Variants in CCDC180 observed in about 807,000 individuals in gnomAD.
CCDC180 encodes the protein coiled-coil domain-containing protein 180.
CCDC180 carries 154 observed loss-of-function variants against 209.2 expected under a neutral mutation model. That is an observed-to-expected ratio of 0.74 (90% CI 0.65 to 0.84). The LOEUF (loss-of-function observed/expected upper bound fraction) is 0.84. Ranked by LOEUF, CCDC180 falls within the 40% of genes least tolerant of loss-of-function variation. CCDC180 has a pLI of 0.00. For synonymous variants in CCDC180, 778 were observed against 749.1 expected (o/e 1.04, Z -0.63); for missense variants, 1,874 against 1,997.3 (o/e 0.94, Z 1.18).
At chr9:97,358,488 T>C (rs891461226) in intron 25 of CCDC180, among the ~76,000 whole-genome samples, 6 of 152,134 alleles carry the variant, frequency 3.9e-5, no homozygotes, top group African/African-American at 1.4e-4. Flanking sequence ...AAAGTCAGAA[T>C]TGGAACAGTT....
In CCDC180 at chr9:97,375,451, T is replaced by G. The variant is rs199634341; in HGVS notation, c.4707-3T>G. 46 of 1,614,194 alleles carry G rather than the reference T, an allele frequency of 2.8e-5. No homozygotes were observed. The highest frequency in any genetic ancestry group is 2.8e-4 in the African/African-American group (21 of 75,056). On this transcript the variant is annotated splice_region_variant and splice_polypyrimidine_tract_variant and intron_variant, in intron 35 of 36. Coordinates refer to ENST00000529487, the MANE Select transcript of CCDC180 (RefSeq NM_020893.6). Reference sequence around the variant, plus strand: ...TGAGATTTTCACACATGTTTGTTTGTAGGAAGTGGCCAGGGATCAAACCCA... The same window carrying G: ...TGAGATTTTCACACATGTTTGTTTGGAGGAAGTGGCCAGGGATCAAACCCA...
chr9:97,337,434 T>A (rs1825942479), intron 18 of CCDC180, among the ~76,000 whole-genome samples: 2 of 152,206 alleles, frequency 1.3e-5, no homozygotes, highest in African/African-American at 4.8e-5. Context: ...GTGGGTTTTG[T>A]CTTTGGTTCT....
intron 13 of CCDC180, 25 bp from the exon 14 acceptor site, chr9:97,324,994 C>T: frequency 6.2e-7 from 1 of 1,606,260 alleles, no homozygotes; most frequent in Non-Finnish European, 8.5e-7. Flanking sequence ...CCCTTAAGTC[C>T]CTTCTCTGGG....
intron 7 of CCDC180, 24 bp downstream of exon 7, chr9:97,314,752 T>G: frequency 6.2e-7 from 1 of 1,608,342 alleles, no homozygotes; most frequent in East Asian, 2.2e-5. Flanking sequence ...AGGTGGGCTG[T>G]GTGGTGACTG....
chr9:97,308,245 A>C, intron 2 of CCDC180, 113 bp downstream of exon 2: 1 of 922,322 alleles, frequency 1.1e-6, no homozygotes, highest in Non-Finnish European at 1.5e-6. Context: ...AAGGGCTTTG[A>C]AATTACTTTG....
chr9:97,341,875 A>G (rs10981700), intron 18 of CCDC180, among the ~76,000 whole-genome samples: 8,881 of 152,216 alleles, frequency 0.058, 364 homozygotes, highest in Non-Finnish European at 0.09. Context: ...TACCTACTCA[A>G]TCCTCAACAA....
rs959073896 is a variant in CCDC180, at chr9:97,349,218, G to A, written c.2782G>A (p.Val928Met). ...CTGCCAGTTCCAAGAAGAGCAAAAC[G>A]TGAGGAGCAAAAACTTCCGCCTTAA... ...MFCQFQEEQN[V>M]RSKNFRLKIY... The change falls in exon 21 of 37, where the codon GTG becomes ATG. Residue 928 changes from valine (V) to methionine (M), a missense_variant. Coordinates refer to ENST00000529487, the MANE Select transcript of CCDC180 (RefSeq NM_020893.6). 17 of 1,536,504 alleles carry A rather than the reference G, an allele frequency of 1.1e-5. No individual in the cohort carries two copies. The highest frequency in any genetic ancestry group is 3.6e-5 in the South Asian group (3 of 84,046).
At chr9:97,309,865 C>T (rs1267555861) in intron 3 of CCDC180, among the ~76,000 whole-genome samples, 1 of 152,078 alleles carries the variant, frequency 6.6e-6, no homozygotes, top group East Asian at 1.9e-4. Context: ...CTTGAGACCT[C>T]GAAAGTAAAT....
chr9:97,343,693 A>G (rs1826161373), intron 19 of CCDC180, 130 bp downstream of exon 19: 1 of 704,734 alleles, frequency 1.4e-6, no homozygotes, highest in East Asian at 2.7e-5. Flanking sequence ...AACTGAAGGA[A>G]GGTAGGGGTG....
chr9:97,343,713 A>G (rs551781240), intron 19 of CCDC180, 150 bp downstream of exon 19: 9 of 650,718 alleles, frequency 1.4e-5, no homozygotes, highest in East Asian at 5.5e-5. Context: ...GAGAAACACA[A>G]TAAAAAATGG....
chr9:97,364,470 CA>C (rs1471069910), intron 29 of CCDC180: 2 of 276,810 alleles, frequency 7.2e-6, no homozygotes, highest in Admixed American at 1.2e-4. Context: ...GTGATTAAAA[CA>C]AAAGCTGTTC....
At position 97,317,238 on chromosome 9, in the gene CCDC180, G is replaced by A. The variant is rs752462262; in HGVS notation, c.959+10G>A. Reference sequence around the variant, plus strand: ...TGCTGCAGAGTTTCAGGTCAGTGCCGCCCACACAGCTCCTTCTCCAGCCCA... The same window carrying A: ...TGCTGCAGAGTTTCAGGTCAGTGCCACCCACACAGCTCCTTCTCCAGCCCA... On this transcript the variant is annotated intron_variant, in intron 9 of 36. Coordinates refer to ENST00000529487, the MANE Select transcript of CCDC180 (RefSeq NM_020893.6). 22 of 1,554,442 alleles carry A rather than the reference G, an allele frequency of 1.4e-5. No homozygotes were observed. Among genetic ancestry groups the A allele is most frequent in the African/African-American group, 4.1e-5 (3 of 73,628 alleles).
intron 12 of CCDC180, 146 bp from the exon 13 acceptor site, chr9:97,323,635 C>T (rs1288036223): frequency 2.3e-5 from 24 of 1,033,462 alleles, no homozygotes; most frequent in Admixed American, 5.9e-5. Context: ...CCTCCAGACC[C>T]TAAGGGGAAC....
At position 97,342,499 on chromosome 9, in the gene CCDC180, C is replaced by T. The variant is rs540001088; in HGVS notation, c.2275-841C>T. Among the ~76,000 whole-genome samples, 12 of 152,276 alleles carry T rather than the reference C, an allele frequency of 7.9e-5. No individual in the cohort carries two copies. The South Asian group carries it at 1.4e-3, about 18-fold the overall frequency. The stretch of plus-strand genomic sequence containing the variant: ...TTCACCATGTTGCCCAGGCTGGTCT[C>T]GAACTCTTGACCTCAAGTGATCCAC... On this transcript the variant is annotated intron_variant, in intron 18 of 36. Transcript: ENST00000529487.
At chr9:97,318,281 T>C (rs143236420) in intron 9 of CCDC180, among the ~76,000 whole-genome samples, 182 bp from the exon 10 acceptor site, 1,544 of 146,102 alleles carry the variant, frequency 0.011, 27 homozygotes, top group African/African-American at 0.035. Context: ...CCACCCACCC[T>C]CTGTCCCTCC....
At chr9:97,351,569 A>G (rs918628732) in intron 22 of CCDC180, among the ~76,000 whole-genome samples, 2 of 152,226 alleles carry the variant, frequency 1.3e-5, no homozygotes, top group Admixed American at 6.5e-5. Context: ...AAAAATCACA[A>G]ATCTTTTGAT....
At chr9:97,371,786 A>C in intron 34 of CCDC180, 80 bp downstream of exon 34, 2 of 787,680 alleles carry the variant, frequency 2.5e-6, no homozygotes, top group East Asian at 2.5e-5. Context: ...GCTTTCCCCA[A>C]CTCTATCAAA....
chr9:97,312,899 A>G (rs1833036852), intron 4 of CCDC180, among the ~76,000 whole-genome samples: 1 of 151,834 alleles, frequency 6.6e-6, no homozygotes, highest in Non-Finnish European at 1.5e-5. Context: ...CTCAGCATGA[A>G]GACTAGCTGA....
intron 32 of CCDC180, 107 bp downstream of exon 32, chr9:97,370,189 T>C (rs1465017036): frequency 7.7e-7 from 1 of 1,297,696 alleles, no homozygotes; most frequent in South Asian, 1.5e-5. Flanking sequence ...GAAGGTGAGC[T>C]TGGCTTGGGA....
Sources: gnomAD v4.1 joint callset for allele counts (sites outside exome capture counted in the v4.1 genomes callset) on GRCh38, gnomAD v4.1.1 for gene constraint, MANE v1.5 for transcripts, NCBI Gene and HGNC (gene_info 2026-07-23, HGNC 2026-07-21) for gene names.